Variants in CHD5 observed in about 807,000 individuals in gnomAD.
The protein encoded by CHD5 is ATP-dependent chromatin remodeler CHD5.
CHD5 carries 69 observed loss-of-function variants against 230.3 expected under a neutral mutation model. That is an observed-to-expected ratio of 0.30 (90% CI 0.25 to 0.37). The LOEUF (loss-of-function observed/expected upper bound fraction) is 0.37. Ranked by LOEUF, CHD5 falls within the 10% of genes least tolerant of loss-of-function variation. CHD5 has a pLI of 1.00. For synonymous variants in CHD5, 1,064 were observed against 1,065.9 expected (o/e 1.00, Z 0.03); for missense variants, 1,827 against 2,622.8 (o/e 0.70, Z 6.63).
In CHD5 at chr1:6,121,623, A is replaced by G; in HGVS notation, c.4700-50T>C. 2 of 1,430,836 alleles carry G rather than the reference A, an allele frequency of 1.4e-6. No homozygotes were observed. The highest frequency in any genetic ancestry group is 1.9e-6 in the Non-Finnish European group (2 of 1,026,454). The allele number at this position is 1,430,836 out of a possible 1,614,324, so 88.6% of individuals were successfully genotyped here. A position where few individuals can be genotyped will look rare whatever the true frequency, so the allele number is the denominator to read the frequency against. ...AGACAGGTGGGCTCAGACGGGAAGG[A>G]GTAGGGCAGGGAGTGGGGTGGCAGA... On this transcript the variant is annotated intron_variant, in intron 31 of 41. Coordinates refer to ENST00000262450, the MANE Select transcript of CHD5 (RefSeq NM_015557.3). The surrounding 1 kb of genome is among the most constrained non-coding windows in gnomAD (Gnocchi z 4.5).
intron 2 of CHD5, among the ~76,000 whole-genome samples, chr1:6,162,224 A>G (rs1427953025): frequency 6.6e-6 from 1 of 152,056 alleles, no homozygotes; most frequent in Non-Finnish European, 1.5e-5. Flanking sequence ...TCTACTGAAA[A>G]AAAAATACAA....
In CHD5 at chr1:6,125,548, G is replaced by C; in HGVS notation, c.4236C>G (p.Leu1412=). ...SDRDKPLPPL[L]ARVGGNIEVL... ...CCTCGATGTTGCCACCAACTCGGGCGAGAAGCGGGGGCAGGGGCTTGTCCC... is the reference window on the plus strand; with the variant it reads ...CCTCGATGTTGCCACCAACTCGGGCCAGAAGCGGGGGCAGGGGCTTGTCCC... The change falls in exon 28 of 42, where the codon CTC becomes CTG. Residue 1412 remains leucine, a synonymous_variant. Transcript: ENST00000262450. This position sits in a 1 kb window ranked among gnomAD's most constrained non-coding sequence, Gnocchi z 6.7. The C allele has an allele frequency of 1.3e-6, 2 of 1,597,522 alleles. No homozygotes were observed. The highest frequency in any genetic ancestry group is 1.7e-6 in the Non-Finnish European group (2 of 1,171,164).
rs1200663427 is a variant in CHD5 at position 6,105,160 on chromosome 1, C to T, written c.*314G>A. 4 of 343,850 alleles carry T rather than the reference C, an allele frequency of 1.2e-5. No individual in the cohort carries two copies. In the Admixed American group the frequency reaches 1.7e-4, roughly 14 times the overall value. The allele number at this position is 343,850 out of a possible 1,614,324, so 21.3% of individuals were successfully genotyped here. ...TCAATAGGAAAGTGCAAAAGATGTA[C>T]AAATAAATGAAATCTCTTCTAAGAA... On this transcript the variant is annotated 3_prime_UTR_variant, in exon 42 of 42. Transcript: ENST00000262450. The surrounding 1 kb of genome is among the most constrained non-coding windows in gnomAD (Gnocchi z 4.8).
rs765098387 is a variant in CHD5, at chr1:6,154,754, T to G, written c.651A>C (p.Val217=). 1.1e-5 allele frequency: 18 copies of G among 1,611,994 alleles called. No homozygotes were observed. Among genetic ancestry groups the G allele is most frequent in the African/African-American group, 2.7e-5 (2 of 74,906 alleles). ...AAAAAAVAAA[V]ETVTISPPLA... ...GCGGAGGGGAGATGGTGACCGTCTC[T>G]ACAGCCGCAGCCACCGCCGCCGCCG... The change falls in exon 5 of 42, where the codon GTA becomes GTC. Residue 217 remains valine, a synonymous_variant. Coordinates refer to ENST00000262450, the MANE Select transcript of CHD5 (RefSeq NM_015557.3). The surrounding 1 kb of genome is among the most constrained non-coding windows in gnomAD (Gnocchi z 7.0).
Position 6,128,738 on chromosome 1 carries a change from C to G in CHD5, c.3619+100G>C. ...ACAGGTGGGGGGTGCAGAAGAGAGG[C>G]TGTGTGTTGGAGCGGGCAGGGACCC... On this transcript the variant is annotated intron_variant, in intron 23 of 41. Coordinates refer to ENST00000262450, the MANE Select transcript of CHD5 (RefSeq NM_015557.3). The surrounding 1 kb of genome is among the most constrained non-coding windows in gnomAD (Gnocchi z 7.8). 2 of 1,274,108 alleles carry G rather than the reference C, an allele frequency of 1.6e-6. No homozygotes were observed. Among genetic ancestry groups the G allele is most frequent in the South Asian group, 2.5e-5 (2 of 79,448 alleles). 78.9% of individuals were successfully genotyped at this position (1,274,108 alleles called of 1,614,324 possible).
chr1:6,137,694 C>G (rs1385652702), intron 15 of CHD5, among the ~76,000 whole-genome samples: 1 of 152,240 alleles, frequency 6.6e-6, no homozygotes, highest in Non-Finnish European at 1.5e-5. Context: ...GTACCCATAG[C>G]TAACAAATGG....
intron 38 of CHD5, among the ~76,000 whole-genome samples, chr1:6,109,132 C>T (rs183657626): frequency 1.6e-3 from 241 of 152,116 alleles, no homozygotes; most frequent in Non-Finnish European, 2.4e-3. Context: ...CAAGGGCCCA[C>T]GGGCTGCAGA....
At position 6,131,563 on chromosome 1, in the gene CHD5, A is replaced by G. The variant is rs1176095632; in HGVS notation, c.3262+68T>C. The G allele has an allele frequency of 3.3e-6, 3 of 918,178 alleles. No individual in the cohort carries two copies. In the African/African-American group the frequency reaches 4.9e-5, roughly 15 times the overall value. 56.9% of individuals were successfully genotyped at this position (918,178 alleles called of 1,614,324 possible). A position where few individuals can be genotyped will look rare whatever the true frequency, so the allele number is the denominator to read the frequency against. Reference sequence around the variant, plus strand: ...CAACACCAGCTGGGTGACCTGGCTAAGAACCAGGCCTGGGAGAAGAGGCCA... The same window carrying G: ...CAACACCAGCTGGGTGACCTGGCTAGGAACCAGGCCTGGGAGAAGAGGCCA... On this transcript the variant is annotated intron_variant, in intron 21 of 41. Transcript: ENST00000262450. The surrounding 1 kb of genome is among the most constrained non-coding windows in gnomAD (Gnocchi z 5.0).
Position 6,135,291 on chromosome 1 carries a change from A to C in CHD5, c.2809T>G (p.Phe937Val). 1 of 1,614,132 alleles carries C rather than the reference A, an allele frequency of 6.2e-7. No homozygotes were observed. The highest frequency in any genetic ancestry group is 1.1e-5 in the South Asian group (1 of 91,080). ...TCGGTCTTGGCCGGCATGTTCTTGA[A>C]CACGTCAGCCTTGAGCCGCCTGAGC... Reference protein sequence around the residue: ...HMLRRLKADVFKNMPAKTELI... With the variant: ...HMLRRLKADVVKNMPAKTELI... The change falls in exon 18 of 42, where the codon TTC (phenylalanine) becomes GTC (valine). Residue 937 changes from phenylalanine to valine, a missense_variant. This residue lies in a region of CHD5 where 52 missense variants were observed against 164.5 expected (regional missense o/e 0.32). Coordinates refer to ENST00000262450, the MANE Select transcript of CHD5 (RefSeq NM_015557.3).
chr1:6,161,352 C>T (rs909270468), intron 2 of CHD5, among the ~76,000 whole-genome samples: 1 of 152,040 alleles, frequency 6.6e-6, no homozygotes, highest in South Asian at 2.1e-4. Context: ...AGGTGGGGGC[C>T]CCCTCTGACA....
chr1:6,129,036 T>C lies in CHD5; in HGVS notation c.3421A>G (p.Lys1141Glu). The change falls in exon 23 of 42, where the codon AAG (lysine) becomes GAG (glutamate). Residue 1141 changes from lysine to glutamate, a missense_variant. Physicochemically the swap from Lys to Glu is moderately conservative, Grantham distance 56. Coordinates refer to ENST00000262450, the MANE Select transcript of CHD5 (RefSeq NM_015557.3). The surrounding 1 kb of genome is among the most constrained non-coding windows in gnomAD (Gnocchi z 6.8). The stretch of plus-strand genomic sequence containing the variant: ...ACGAAGCGGTAGATCATCACCTTCT[T>C]GTTCTGGCCGATGCGGTGGGCGCGG... ...FSRAHRIGQN[K>E]KVMIYRFVTR... The C allele has an allele frequency of 6.2e-7, 1 of 1,609,068 alleles. No individual in the cohort carries two copies. The highest frequency in any genetic ancestry group is 8.5e-7 in the Non-Finnish European group (1 of 1,178,364).
chr1:6,105,565 C>A lies in CHD5; in HGVS notation c.*47-138G>T. On this transcript the variant is annotated intron_variant, in intron 41 of 41. Transcript: ENST00000262450. This position sits in a 1 kb window ranked among gnomAD's most constrained non-coding sequence, Gnocchi z 4.8. ...GTGCCCCCCAGCCATGACCTCCCAG[C>A]CACAGGCTGCCGGGCCAGGCCATGA... is the stretch of plus-strand genomic sequence containing the variant. 2.9e-6 allele frequency: 1 copy of A among 341,644 alleles called. No homozygotes were observed. The highest frequency in any genetic ancestry group is 2.2e-5 in the South Asian group (1 of 45,466). The allele number at this position is 341,644 out of a possible 1,614,324, so 21.2% of individuals were successfully genotyped here.
chr1:6,168,355 G>T, intron 1 of CHD5, 78 bp from the exon 2 acceptor site: 1 of 1,480,886 alleles, frequency 6.8e-7, no homozygotes, highest in Non-Finnish European at 9.0e-7. Context: ...GCCAGCCCTG[G>T]GGAAGCTGGG....
intron 38 of CHD5, among the ~76,000 whole-genome samples, chr1:6,109,428 G>A (rs572312072): frequency 7.2e-4 from 110 of 152,184 alleles, no homozygotes; most frequent in Non-Finnish European, 1.2e-3. Context: ...TCCCACACGG[G>A]GCCAAGGAGA....
rs764932262 is a variant in CHD5 at position 6,125,388 on chromosome 1, G to A, written c.4260+136C>T. ...CCACCTGGGGCAGGACCCTGACGGC[G>A]AAGACCAGACCAAGTTCTGTCCAAG... On this transcript the variant is annotated intron_variant, in intron 28 of 41. Transcript: ENST00000262450. The surrounding 1 kb of genome is among the most constrained non-coding windows in gnomAD (Gnocchi z 6.7). 1.1e-4 allele frequency: 132 copies of A among 1,244,290 alleles called. No homozygotes were observed. The highest frequency in any genetic ancestry group is 3.9e-4 in the African/African-American group (26 of 66,800). 77.1% of individuals were successfully genotyped at this position (1,244,290 alleles called of 1,614,324 possible). A position where few individuals can be genotyped will look rare whatever the true frequency, so the allele number is the denominator to read the frequency against.
Position 6,159,253 on chromosome 1 carries a change from A to T in CHD5, c.387+83T>A, listed in dbSNP as rs1330130620. ...CACACACACACACACACACACACAC[A>T]CACACAGAACATACAGGCAAGAGGC... On this transcript the variant is annotated intron_variant, in intron 3 of 41. Coordinates refer to ENST00000262450, the MANE Select transcript of CHD5 (RefSeq NM_015557.3). The T allele has an allele frequency of 2.0e-5, 30 of 1,525,004 alleles. No individual in the cohort carries two copies. The South Asian group carries it at 2.7e-4, about 14-fold the overall frequency. The allele number at this position is 1,525,004 out of a possible 1,614,324, so 94.5% of individuals were successfully genotyped here.
At chr1:6,112,822 G>T in intron 34 of CHD5, 87 bp downstream of exon 34, 2 of 986,484 alleles carry the variant, frequency 2.0e-6, no homozygotes, top group Non-Finnish European at 3.1e-6. Context: ...GACGGCGCCT[G>T]GGAGACTGTG....
At position 6,121,463 on chromosome 1, in the gene CHD5, C is replaced by G. The variant is rs1213984747; in HGVS notation, c.4779+31G>C. The G allele has an allele frequency of 8.2e-6, 13 of 1,590,714 alleles. No individual in the cohort carries two copies. Among genetic ancestry groups the G allele is most frequent in the Non-Finnish European group, 1.1e-5 (13 of 1,165,232 alleles). Reference sequence around the variant, plus strand: ...AGACCCAACCTCCACCCCACACACACCACAGGCCCAGACGCCAGCAAGTTC... The same window carrying G: ...AGACCCAACCTCCACCCCACACACAGCACAGGCCCAGACGCCAGCAAGTTC... On this transcript the variant is annotated intron_variant, in intron 32 of 41. Transcript: ENST00000262450. The surrounding 1 kb of genome is among the most constrained non-coding windows in gnomAD (Gnocchi z 4.5).
chr1:6,110,256 A>G (rs1169671325), intron 37 of CHD5, 138 bp downstream of exon 37: 2 of 1,006,718 alleles, frequency 2.0e-6, no homozygotes, highest in East Asian at 2.4e-5. Context: ...TAGTTGATGG[A>G]CATACTGCTG....
Sources: allele counts gnomAD v4.1 joint callset (sites outside exome capture counted in the v4.1 genomes callset), GRCh38; gene constraint gnomAD v4.1.1; regional missense constraint gnomAD v4.1.1; non-coding constraint Gnocchi (gnomAD v3.1); transcripts MANE v1.5; gene names NCBI Gene and HGNC (gene_info 2026-07-23, HGNC 2026-07-21).